The following PLPPR1 variants were observed in gnomAD, a reference collection of about 807,000 sequenced individuals.
PLPPR1 encodes phospholipid phosphatase-related protein type 1.
A neutral mutation model predicts 33.1 loss-of-function variants in PLPPR1; 10 were observed. The observed-to-expected ratio is 0.30, with a 90% CI of 0.19 to 0.51. PLPPR1 has a LOEUF of 0.51. Ranked by LOEUF, PLPPR1 falls within the 20% of genes least tolerant of loss-of-function variation. The probability of loss-of-function intolerance (pLI) is 0.97; values close to 1 mark genes in which losing one functional copy is unlikely to be tolerated. For synonymous variants in PLPPR1, 151 were observed against 151.0 expected, an observed-to-expected ratio of 1.00 and a Z score of 0.00; for missense variants, 304 against 408.1, an observed-to-expected ratio of 0.74 and a Z score of 2.20.
intron 2 of PLPPR1, among the ~76,000 whole-genome samples, chr9:101,225,108 C>T (rs117458163): frequency 4.4e-4 from 67 of 152,152 alleles, no homozygotes; most frequent in East Asian, 2.1e-3. Flanking sequence ...CTTTGTTGTA[C>T]GTCATTTTGC....
intron 1 of PLPPR1, among the ~76,000 whole-genome samples, chr9:101,126,960 T>C (rs1246170864): frequency 6.6e-6 from 1 of 152,124 alleles, no homozygotes; most frequent in African/African-American, 2.4e-5. Flanking sequence ...CTGCCAATTC[T>C]CTCCCATTTA....
Position 101,234,561 on chromosome 9 carries a change from C to A in PLPPR1, c.64-35319C>A, listed in dbSNP as rs549410467. On this transcript the variant is annotated intron_variant, in intron 2 of 7. Transcript: ENST00000374874. ...CAAGTGTATTTTTTTAAAAAAAAAA[C>A]AAACAAAAATTCTATACCGTAATGC... Among the ~76,000 whole-genome samples the A allele has an allele frequency of 3.4e-3, 506 of 150,434 alleles. 3 individuals are homozygous for A. The highest frequency in any genetic ancestry group is 0.012 in the African/African-American group (481 of 41,004).
chr9:101,277,314 C>A (rs2118904503), intron 3 of PLPPR1, among the ~76,000 whole-genome samples: 1 of 152,264 alleles, frequency 6.6e-6, no homozygotes, highest in South Asian at 2.1e-4. Context: ...AGAGTGTGGG[C>A]AAAATCTGAT....
chr9:101,093,802 A>G (rs1421740033), intron 1 of PLPPR1, among the ~76,000 whole-genome samples: 5 of 152,230 alleles, frequency 3.3e-5, no homozygotes, highest in African/African-American at 1.2e-4. Flanking sequence ...CATGATGACC[A>G]GGAATCTGTG....
intron 1 of PLPPR1, among the ~76,000 whole-genome samples, chr9:101,043,561 T>A (rs2118425725): frequency 6.6e-6 from 1 of 152,200 alleles, no homozygotes; most frequent in South Asian, 2.1e-4. Flanking sequence ...GTATTTCGGC[T>A]GTTTCTACAT....
chr9:101,238,066 G>A (rs1361651631), intron 2 of PLPPR1, among the ~76,000 whole-genome samples: 5 of 126,196 alleles, frequency 4.0e-5, no homozygotes, highest in South Asian at 2.4e-4. Flanking sequence ...CTATATATAC[G>A]TGTGTGTGTA....
chr9:101,309,161 C>T, intron 4 of PLPPR1, 50 bp from the exon 5 acceptor site: 1 of 1,595,734 alleles, frequency 6.3e-7, no homozygotes, highest in South Asian at 1.1e-5. Context: ...GAGAAAAATG[C>T]AATTGACAGA....
At chr9:101,070,505 A>G (rs143972629) in intron 1 of PLPPR1, among the ~76,000 whole-genome samples, 4,004 of 152,188 alleles carry the variant, frequency 0.026, 94 homozygotes, top group Non-Finnish European at 0.043. Context: ...AGCAGAGATT[A>G]CCAACAGATT....
At chr9:101,086,224 G>C (rs571283902) in intron 1 of PLPPR1, among the ~76,000 whole-genome samples, 51 of 152,254 alleles carry the variant, frequency 3.3e-4, no homozygotes, top group Non-Finnish European at 6.3e-4. Flanking sequence ...CTCTTTGATA[G>C]CAGATATTAG....
intron 1 of PLPPR1, among the ~76,000 whole-genome samples, chr9:101,112,052 T>C (rs1413117654): frequency 2.0e-5 from 3 of 152,198 alleles, no homozygotes; most frequent in Non-Finnish European, 4.4e-5. Context: ...CCTGTCCCCA[T>C]ATACACACTT....
At chr9:101,304,333 T>C (rs1429535937) in intron 4 of PLPPR1, among the ~76,000 whole-genome samples, 1 of 152,230 alleles carries the variant, frequency 6.6e-6, no homozygotes, top group Non-Finnish European at 1.5e-5. Context: ...TGTTAATCTC[T>C]AAAGTTTCTT....
chr9:101,143,569 A>C (rs1289870216), intron 1 of PLPPR1, among the ~76,000 whole-genome samples: 1 of 152,202 alleles, frequency 6.6e-6, no homozygotes, highest in African/African-American at 2.4e-5. Context: ...AAAGAACTTA[A>C]ACAAATTTAC....
intron 2 of PLPPR1, among the ~76,000 whole-genome samples, chr9:101,239,954 C>T (rs1054514014): frequency 1.3e-5 from 2 of 151,882 alleles, no homozygotes; most frequent in African/African-American, 4.8e-5. Context: ...GAAGACTTAC[C>T]CATAACATTT....
chr9:101,317,284 G>C (rs1371989696), intron 6 of PLPPR1, 81 bp from the exon 7 acceptor site: 1 of 1,457,020 alleles, frequency 6.9e-7, no homozygotes, highest in African/African-American at 1.4e-5. Context: ...ATATTCAAGG[G>C]GAAAGGCCTG....
chr9:101,217,234 T>C (rs552272697), intron 2 of PLPPR1, among the ~76,000 whole-genome samples: 1 of 152,036 alleles, frequency 6.6e-6, no homozygotes, highest in Non-Finnish European at 1.5e-5. Context: ...TTAAAAAAAA[T>C]CACTGCCCTG....
intron 1 of PLPPR1, among the ~76,000 whole-genome samples, chr9:101,047,371 C>T (rs1305154107): frequency 6.6e-6 from 1 of 152,150 alleles, no homozygotes; most frequent in Admixed American, 6.6e-5. Context: ...AAGTAATAAC[C>T]TACTTAATGA....
rs1564138291 is a variant in PLPPR1 at position 101,078,185 on chromosome 9, G to GA, written c.-46+49084dup. Among the ~76,000 whole-genome samples, 32 of 23,170 alleles carry GA rather than the reference G, an allele frequency of 1.4e-3. 1 individual carries two copies. Among genetic ancestry groups the GA allele is most frequent in the East Asian group, 5.0e-3 (1 of 200 alleles). The allele number at this position is 23,170 out of a possible 152,430, so 15.2% of individuals were successfully genotyped here. On this transcript the variant is annotated intron_variant, in intron 1 of 7. Coordinates refer to ENST00000374874, the MANE Select transcript of PLPPR1 (RefSeq NM_207299.2). ...AGAAGAAGAAGAAGAAGAAGAAGAAGAGGAGGGGGGGAGGGGGAGGGGGAG... is the reference window on the plus strand; with the variant it reads ...AGAAGAAGAAGAAGAAGAAGAAGAAGAAGGAGGGGGGGAGGGGGAGGGGGAG...
At chr9:101,264,487 G>A (rs1010508427) in intron 2 of PLPPR1, among the ~76,000 whole-genome samples, 1 of 152,054 alleles carries the variant, frequency 6.6e-6, no homozygotes, top group African/African-American at 2.4e-5. Context: ...CTGCAGCCAC[G>A]CATAACTCCC....
chr9:101,258,180 A>G (rs1397861768), intron 2 of PLPPR1, among the ~76,000 whole-genome samples: 1 of 152,150 alleles, frequency 6.6e-6, no homozygotes, highest in East Asian at 1.9e-4. Flanking sequence ...ATACATTTCT[A>G]TTACACCATG....
Sources: gnomAD v4.1 joint callset for allele counts (sites outside exome capture counted in the v4.1 genomes callset) on GRCh38, gnomAD v4.1.1 for gene constraint, MANE v1.5 for transcripts, NCBI Gene and HGNC (gene_info 2026-07-23, HGNC 2026-07-21) for gene names.